Variants in DLG3 observed in about 807,000 individuals in gnomAD.
DLG3 encodes discs large MAGUK scaffold protein 3.
A neutral mutation model predicts 64.1 loss-of-function variants in DLG3; 1 was observed. The ratio of observed to expected loss-of-function variants is 0.02; its 90% CI spans 0.01 to 0.07. The LOEUF is 0.07. Ranked by LOEUF, DLG3 falls within the 10% of genes least tolerant of loss-of-function variation. The pLI is 1.00. For synonymous variants in DLG3, 245 were observed against 259.8 expected (o/e 0.94, Z 0.55); for missense variants, 429 against 669.5 (o/e 0.64, Z 3.96).
At chrX:70,502,039 C>T (rs2087573094) in intron 18 of DLG3, 124 bp from the exon 19 acceptor site, 6 of 540,115 alleles carry the variant, frequency 1.1e-5, no homozygotes. Context: ...GGGAACATGT[C>T]CTTCATGTGA....
In DLG3 at chrX:70,447,066, G is replaced by C. The variant is rs186831355; in HGVS notation, c.357+1508G>C. On this transcript the variant is annotated intron_variant, in intron 1 of 18. Transcript: ENST00000374360. ...TCTCTGTCCTGGAGGCCTTTCTCTCGCAAACACCCTCTTATGCTTGTCCTG... is the reference window on the plus strand; with the variant it reads ...TCTCTGTCCTGGAGGCCTTTCTCTCCCAAACACCCTCTTATGCTTGTCCTG... Among the ~76,000 whole-genome samples the C allele has an allele frequency of 1.2e-4, 13 of 111,022 alleles. No individual in the cohort carries two copies. In the East Asian group the frequency reaches 3.4e-3, roughly 29 times the overall value.
intron 9 of DLG3, among the ~76,000 whole-genome samples, chrX:70,460,544 A>C (rs1049130885): frequency 1.8e-5 from 2 of 112,532 alleles, no homozygotes; most frequent in Non-Finnish European, 3.8e-5. Flanking sequence ...TAATGGAATA[A>C]GCAAGCATTC....
chrX:70,483,479 C>A (rs2087202752), intron 10 of DLG3, among the ~76,000 whole-genome samples: 1 of 112,609 alleles, frequency 8.9e-6, no homozygotes, highest in Non-Finnish European at 1.9e-5. Context: ...GTGAGGGAAC[C>A]CTTTTTCAGT....
chrX:70,447,172 C>T (rs752953650), intron 1 of DLG3, among the ~76,000 whole-genome samples: 2 of 110,902 alleles, frequency 1.8e-5, no homozygotes, highest in African/African-American at 6.5e-5. Context: ...CTGGATGGCT[C>T]CTGGCCCTGA....
intron 6 of DLG3, 141 bp downstream of exon 6, chrX:70,450,924 G>C: frequency 3.7e-6 from 3 of 803,912 alleles, no homozygotes; most frequent in Non-Finnish European, 5.5e-6. Flanking sequence ...AGGTTTATCT[G>C]AGGCGCCATT....
chrX:70,488,136 C>T (rs1465781625), intron 10 of DLG3, among the ~76,000 whole-genome samples: 1 of 109,964 alleles, frequency 9.1e-6, no homozygotes, highest in Non-Finnish European at 1.9e-5. Flanking sequence ...CTCAGCCTCC[C>T]GAGTAACTGG....
chrX:70,481,990 T>G (rs770944873), intron 10 of DLG3, among the ~76,000 whole-genome samples: 2 of 112,078 alleles, frequency 1.8e-5, no homozygotes, highest in South Asian at 7.5e-4. Context: ...GCTGGACATG[T>G]GCATAAATAA....
intron 12 of DLG3, among the ~76,000 whole-genome samples, chrX:70,494,473 A>G (rs749674477): frequency 5.4e-5 from 6 of 111,919 alleles, no homozygotes; most frequent in Admixed American, 1.9e-4. Flanking sequence ...TGGTATGTGT[A>G]AGTCATTGCT....
intron 9 of DLG3, among the ~76,000 whole-genome samples, chrX:70,467,104 T>TG (rs2086898823): frequency 1.8e-5 from 2 of 110,448 alleles, no homozygotes; most frequent in South Asian, 3.9e-4. Context: ...TTTGTAGAGA[T>TG]GGGGTCTCAC....
In DLG3 at chrX:70,449,412, C is replaced by T. The variant is rs760528718; in HGVS notation, c.462C>T (p.Val154=). The T allele has an allele frequency of 2.6e-5, 31 of 1,209,428 alleles. No individual in the cohort carries two copies. Among genetic ancestry groups the T allele is most frequent in the Non-Finnish European group, 3.1e-5 (28 of 894,900 alleles). Residue 154 remains valine, a synonymous_variant, in exon 3 of 19, where the codon GTC becomes GTT. Transcript: ENST00000374360. The part of the protein sequence containing the change: ...SIAGGIDNPH[V]PDDPGIFITK... Reference sequence around the variant, plus strand: ...CAGGTGGCATCGACAATCCCCATGTCCCTGATGACCCTGGCATCTTTATTA... The same window carrying T: ...CAGGTGGCATCGACAATCCCCATGTTCCTGATGACCCTGGCATCTTTATTA...
intron 8 of DLG3, 24 bp downstream of exon 8, chrX:70,453,817 G>A: frequency 8.6e-7 from 1 of 1,157,477 alleles, no homozygotes; most frequent in African/African-American, 1.8e-5. Flanking sequence ...GGAGAGGTGG[G>A]AGGATGGGAA....
At chrX:70,489,999 A>C (rs1225957222) in intron 10 of DLG3, among the ~76,000 whole-genome samples, 1 of 110,694 alleles carries the variant, frequency 9.0e-6, no homozygotes, top group African/African-American at 3.3e-5. Context: ...AGTAGCTGAA[A>C]TTACAGGTGC....
At chrX:70,475,738 A>G (rs138745574) in intron 9 of DLG3, among the ~76,000 whole-genome samples, 2,072 of 112,588 alleles carry the variant, frequency 0.018, 29 homozygotes, top group Middle Eastern at 0.037. Context: ...CAACAGTGGT[A>G]TCTTCTGGGG....
chrX:70,448,643 C>T, intron 1 of DLG3: 6 of 1,160,616 alleles, frequency 5.2e-6, no homozygotes, highest in Non-Finnish European at 6.9e-6. Flanking sequence ...GGTGAGTGCA[C>T]CACTGGCTGG....
chrX:70,501,863 A>G lies in DLG3; in HGVS notation c.2348-300A>G, dbSNP rs777166134. On this transcript the variant is annotated intron_variant, in intron 18 of 18. Coordinates refer to ENST00000374360, the MANE Select transcript of DLG3 (RefSeq NM_021120.4). ...AGGTCTGGCACATAGTGGGTGCTCA[A>G]TAAACATCTTTTGAATAAACACATT... Among the ~76,000 whole-genome samples, 10 of 112,085 alleles carry G rather than the reference A, an allele frequency of 8.9e-5. No individual in the cohort carries two copies. In the East Asian group the frequency reaches 2.8e-3, roughly 31 times the overall value.
At chrX:70,498,231 C>T (rs1252499966) in intron 13 of DLG3, among the ~76,000 whole-genome samples, 2 of 112,836 alleles carry the variant, frequency 1.8e-5, no homozygotes. Flanking sequence ...TTGTTACCTA[C>T]AAGAAGAGTT....
Position 70,449,732 on chromosome X carries a change from G to A in DLG3, c.576G>A (p.Ser192=), listed in dbSNP as rs150996616. 36 of 1,209,462 alleles carry A rather than the reference G, an allele frequency of 3.0e-5. No homozygotes were observed. Among genetic ancestry groups the A allele is most frequent in the African/African-American group, 1.9e-4 (11 of 57,250 alleles). Residue 192 remains serine, a synonymous_variant, in exon 4 of 19, where the codon TCG becomes TCA. Coordinates refer to ENST00000374360, the MANE Select transcript of DLG3 (RefSeq NM_021120.4). ...CVLRVNEVDV[S]EVVHSRAVEA... is the part of the protein sequence containing the mutation. ...TGCGGGTGAATGAGGTGGACGTGTC[G>A]GAGGTGGTACACAGCCGGGCGGTGG... is the stretch of plus-strand genomic sequence containing the variant.
rs1289680209 is a variant in DLG3, at chrX:70,503,150, GAGAGAATGGCTAATGATGC to G, written c.*882_*900del. ...GCAGCCAGAGTCCTGTGTGCGGACA[GAGAGAATGGCTAATGATGC>G]TCCGCGTGGAATTGCCTATTGTTTT... On this transcript the variant is annotated 3_prime_UTR_variant, in exon 19 of 19. Transcript: ENST00000374360. The G allele has an allele frequency of 1.8e-5, 2 of 111,969 alleles. No individual in the cohort carries two copies. The highest frequency in any genetic ancestry group is 3.8e-5 in the Non-Finnish European group (2 of 53,186). 9.2% of individuals were successfully genotyped at this position (111,969 alleles called of 1,213,427 possible).
chrX:70,492,102 T>C lies in DLG3; in HGVS notation c.1521-5T>C. 1 of 1,174,573 alleles carries C rather than the reference T, an allele frequency of 8.5e-7. No homozygotes were observed. Among genetic ancestry groups the C allele is most frequent in the Middle Eastern group, 2.8e-4 (1 of 3,625 alleles). On this transcript the variant is annotated splice_region_variant and splice_polypyrimidine_tract_variant and intron_variant, in intron 10 of 18. Transcript: ENST00000374360. ...GATCACTTCATCTTTCACTGTGCCTTTCAGGGCCCTGTTTGATTATGATCG... is the reference window on the plus strand; with the variant it reads ...GATCACTTCATCTTTCACTGTGCCTCTCAGGGCCCTGTTTGATTATGATCG...
Sources: allele counts gnomAD v4.1 joint callset (sites outside exome capture counted in the v4.1 genomes callset), GRCh38; gene constraint gnomAD v4.1.1; transcripts MANE v1.5; gene names NCBI Gene and HGNC (gene_info 2026-07-23, HGNC 2026-07-21).